Variants in SGPL1 observed in about 807,000 individuals in gnomAD.
SGPL1 encodes the protein SP-lyase 1.
Under a neutral mutation model 68.9 loss-of-function variants are expected in SGPL1, and 37 were observed. That is an observed-to-expected ratio of 0.54 (90% CI 0.41 to 0.71). SGPL1 has a LOEUF of 0.71. Among genes scored for constraint, SGPL1 ranks in the 30% least tolerant of loss-of-function variants. SGPL1 has a pLI of 0.00. For missense variants in SGPL1, 551 were observed against 704.6 expected, an observed-to-expected ratio of 0.78 and a Z score of 2.47; for synonymous variants, 236 against 248.5, an observed-to-expected ratio of 0.95 and a Z score of 0.47.
In SGPL1 at chr10:70,859,518, C is replaced by CATCCA; in HGVS notation, c.615+22_615+26dup. ...TGGATGTGTAAGTATATGCAAGGGG[C>CATCCA]ATCCAATAGCCTTATTTTTTAGGTT... On this transcript the variant is annotated intron_variant, in intron 7 of 14. Transcript: ENST00000373202. 1 of 1,389,050 alleles carries CATCCA rather than the reference C, an allele frequency of 7.2e-7. No individual in the cohort carries two copies. The highest frequency in any genetic ancestry group is 9.4e-7 in the Non-Finnish European group (1 of 1,058,522). 86.0% of individuals were successfully genotyped at this position (1,389,050 alleles called of 1,614,324 possible).
At chr10:70,816,695 A>G in intron 1 of SGPL1, 116 bp from the exon 2 acceptor site, 2 of 761,870 alleles carry the variant, frequency 2.6e-6, no homozygotes, top group South Asian at 2.9e-5. Context: ...CTGGGAATGA[A>G]ATCTGAGCCT....
chr10:70,839,470 C>T (rs1200747410), intron 2 of SGPL1, among the ~76,000 whole-genome samples: 3 of 151,926 alleles, frequency 2.0e-5, no homozygotes, highest in Non-Finnish European at 4.4e-5. Context: ...CACCCCTGTC[C>T]CCCTTCCCTG....
At chr10:70,852,738 G>GCA (rs1845907999) in intron 4 of SGPL1, among the ~76,000 whole-genome samples, 7 of 152,110 alleles carry the variant, frequency 4.6e-5, no homozygotes, top group Non-Finnish European at 1.0e-4. Context: ...GCGCGCGCAC[G>GCA]CGTGTGTGTA....
At chr10:70,842,487 C>A (rs564242650) in intron 2 of SGPL1, among the ~76,000 whole-genome samples, 1 of 152,298 alleles carries the variant, frequency 6.6e-6, no homozygotes, top group Non-Finnish European at 1.5e-5. Context: ...GCTCATGGTT[C>A]TGCATATTTG....
Position 70,820,309 on chromosome 10 carries a change from A to G in SGPL1, c.27+3429A>G, listed in dbSNP as rs568188964. ...TTGTGTCCTTACCCCTGGTAAGGGT[A>G]GAGGTTGCTGACCATTGTGACTGAT... On this transcript the variant is annotated intron_variant, in intron 2 of 14. Transcript: ENST00000373202. 4.6e-5 allele frequency: 7 copies of G among 152,064 alleles called. No homozygotes were observed. In the East Asian group the frequency reaches 1.4e-3, roughly 29 times the overall value. 9.4% of individuals were successfully genotyped at this position (152,064 alleles called of 1,614,324 possible).
chr10:70,829,875 A>G (rs1264023418), intron 2 of SGPL1, among the ~76,000 whole-genome samples: 1 of 152,238 alleles, frequency 6.6e-6, no homozygotes, highest in Non-Finnish European at 1.5e-5. Context: ...TAGTTGCTAC[A>G]GTATGTGCTT....
At chr10:70,863,248 A>G (rs911598693) in intron 7 of SGPL1, among the ~76,000 whole-genome samples, 36 of 150,238 alleles carry the variant, frequency 2.4e-4, no homozygotes, top group Admixed American at 3.3e-4. Context: ...TGGCTTCTCA[A>G]AGTGCTGGGA....
chr10:70,834,811 C>T (rs1246746558), intron 2 of SGPL1, among the ~76,000 whole-genome samples: 1 of 152,178 alleles, frequency 6.6e-6, no homozygotes, highest in Non-Finnish European at 1.5e-5. Flanking sequence ...TAGTTTGGCT[C>T]TGGAAAACTA....
At chr10:70,870,439 T>C (rs1846270224) in intron 9 of SGPL1, among the ~76,000 whole-genome samples, 1 of 151,562 alleles carries the variant, frequency 6.6e-6, no homozygotes, top group Non-Finnish European at 1.5e-5. Flanking sequence ...CCCCAGGAGG[T>C]TGATGCTGCA....
chr10:70,870,975 T>C, intron 9 of SGPL1, 73 bp from the exon 10 acceptor site: 1 of 1,299,876 alleles, frequency 7.7e-7, no homozygotes, highest in Non-Finnish European at 1.1e-6. Context: ...GCAGCCCAAA[T>C]TGCTCTTGGC....
At chr10:70,872,119 C>A in intron 11 of SGPL1, 133 bp downstream of exon 11, 1 of 899,844 alleles carries the variant, frequency 1.1e-6, no homozygotes, top group African/African-American at 1.7e-5. Flanking sequence ...TAAACTCTCT[C>A]TTTGCCGTCA....
chr10:70,857,701 A>C lies in SGPL1; in HGVS notation c.486+11A>C. On this transcript the variant is annotated intron_variant, in intron 6 of 14. Transcript: ENST00000373202. Reference sequence around the variant, plus strand: ...GAGCTCCTTGTGAAGGTGAGTGTCCAGTTCTTGAGGGAAGCCTGTGAGGTC... The same window carrying C: ...GAGCTCCTTGTGAAGGTGAGTGTCCCGTTCTTGAGGGAAGCCTGTGAGGTC... 6.3e-7 allele frequency: 1 copy of C among 1,594,614 alleles called. No individual in the cohort carries two copies. The highest frequency in any genetic ancestry group is 8.6e-7 in the Non-Finnish European group (1 of 1,167,288).
intron 2 of SGPL1, among the ~76,000 whole-genome samples, chr10:70,838,363 G>T (rs144677476): frequency 2.0e-5 from 3 of 152,326 alleles, no homozygotes; most frequent in African/African-American, 7.2e-5. Context: ...GCAAGGGGTG[G>T]ATAGTGCTAC....
intron 2 of SGPL1, among the ~76,000 whole-genome samples, chr10:70,842,704 A>G (rs1473722776): frequency 6.6e-6 from 1 of 152,198 alleles, no homozygotes; most frequent in Non-Finnish European, 1.5e-5. Context: ...CCCGTGATCC[A>G]GTCATCTCCC....
chr10:70,849,603 C>T (rs1845846812), intron 3 of SGPL1, among the ~76,000 whole-genome samples: 1 of 152,144 alleles, frequency 6.6e-6, no homozygotes, highest in Non-Finnish European at 1.5e-5. Context: ...GAGAGGGATG[C>T]AGCTGAAGCA....
At chr10:70,840,453 T>C (rs1393084005) in intron 2 of SGPL1, among the ~76,000 whole-genome samples, 1 of 152,098 alleles carries the variant, frequency 6.6e-6, no homozygotes, top group African/African-American at 2.4e-5. Flanking sequence ...TCCAAGGAGA[T>C]AGGATACCTT....
chr10:70,864,169 G>A (rs930710712), intron 7 of SGPL1, among the ~76,000 whole-genome samples: 2 of 151,984 alleles, frequency 1.3e-5, no homozygotes, highest in African/African-American at 4.8e-5. Context: ...TTCCATAATT[G>A]TTTTTTCCAT....
At chr10:70,864,848 A>G (rs772048242) in intron 7 of SGPL1, among the ~76,000 whole-genome samples, 2 of 152,202 alleles carry the variant, frequency 1.3e-5, no homozygotes, top group African/African-American at 2.4e-5. Flanking sequence ...GCTTTGTTCT[A>G]TCTGTATTAG....
At chr10:70,851,537 C>G (rs1845881368) in intron 4 of SGPL1, among the ~76,000 whole-genome samples, 1 of 152,016 alleles carries the variant, frequency 6.6e-6, no homozygotes, top group Admixed American at 6.6e-5. Flanking sequence ...TTAACCCTTT[C>G]TCCAATGTAA....
Sources: allele counts gnomAD v4.1 joint callset (sites outside exome capture counted in the v4.1 genomes callset), GRCh38; gene constraint gnomAD v4.1.1; transcripts MANE v1.5; gene names NCBI Gene and HGNC (gene_info 2026-07-23, HGNC 2026-07-21).